The following DCTN4 variants were observed in gnomAD, a reference collection of about 807,000 sequenced individuals.
The protein encoded by DCTN4 is dynactin 4 (p62).
A neutral mutation model predicts 62.7 loss-of-function variants in DCTN4; 23 were observed. The observed-to-expected ratio is 0.37, with a 90% confidence interval of 0.26 to 0.52. The LOEUF is 0.52. DCTN4 is among the 20% of genes least tolerant of loss of function. The pLI, the probability that DCTN4 is intolerant of heterozygous loss-of-function variation, is 0.92. For synonymous variants in DCTN4, 199 were observed against 202.1 expected, an observed-to-expected ratio of 0.98 and a Z score of 0.13; for missense variants, 514 against 580.4, an observed-to-expected ratio of 0.89 and a Z score of 1.18.
chr5:150,718,442 A>G (rs1759848308), intron 10 of DCTN4, 59 bp from the exon 11 acceptor site: 5 of 1,226,994 alleles, frequency 4.1e-6, no homozygotes, highest in Admixed American at 2.0e-5. Context: ...GCTATACCGA[A>G]TATTTCGCAA....
At chr5:150,712,237 C>A (rs1285619470) in intron 12 of DCTN4, among the ~76,000 whole-genome samples, 1 of 151,982 alleles carries the variant, frequency 6.6e-6, no homozygotes, top group African/African-American at 2.4e-5. Context: ...TCCAGCGATT[C>A]TCCTGCCTCG....
chr5:150,758,062 T>G, intron 1 of DCTN4: 1 of 983,066 alleles, frequency 1.0e-6, no homozygotes, highest in Non-Finnish European at 1.2e-6. Flanking sequence ...ACTATCAGCT[T>G]TTTCTTCACT....
rs1312466703 is a variant in DCTN4 at position 150,747,016 on chromosome 5, A to G, written c.386-4859T>C. On this transcript the variant is annotated intron_variant, in intron 3 of 12. Transcript: ENST00000447998. The stretch of plus-strand genomic sequence containing the variant: ...GTCAAATTGTCCCTGTTTGCAGATG[A>G]CATGATTGTATATCTAGAAAACCCC... Among the ~76,000 whole-genome samples the G allele has an allele frequency of 7.9e-5, 12 of 152,268 alleles. No homozygotes were observed. The East Asian group carries it at 1.9e-3, about 24-fold the overall frequency.
rs770208668 is a variant in DCTN4, at chr5:150,719,701, G to T, written c.963+15C>A. ...ATCAATCCTTTTTCTTCCTGTTAAT[G>T]AGCAAGGTACTAACCTTCATGTAGC... On this transcript the variant is annotated intron_variant, in intron 10 of 12. Transcript: ENST00000447998. 1.3e-6 allele frequency: 2 copies of T among 1,588,344 alleles called. No homozygotes were observed. Among genetic ancestry groups the T allele is most frequent in the African/African-American group, 1.3e-5 (1 of 74,440 alleles).
At chr5:150,755,359 C>T (rs903379477) in intron 2 of DCTN4, among the ~76,000 whole-genome samples, 23 of 152,136 alleles carry the variant, frequency 1.5e-4, no homozygotes, top group African/African-American at 5.6e-4. Flanking sequence ...TGGGCTGTGA[C>T]AGTAATTTTC....
rs139454555 is a variant in DCTN4 at position 150,739,459 on chromosome 5, T to C, written c.429+2655A>G. The stretch of plus-strand genomic sequence containing the variant: ...CACAAACAAATGGAAACATATCCCA[T>C]GCTCATGGCTGGGTAGAATAAATAC... On this transcript the variant is annotated intron_variant, in intron 4 of 12. Transcript: ENST00000447998. Among the ~76,000 whole-genome samples, 624 of 152,316 alleles carry C rather than the reference T, an allele frequency of 4.1e-3. 2 individuals are homozygous for C. Among genetic ancestry groups the C allele is most frequent in the African/African-American group, 0.014 (599 of 41,574 alleles).
At chr5:150,720,570 C>T (rs1463420621) in intron 9 of DCTN4, among the ~76,000 whole-genome samples, 1 of 151,910 alleles carries the variant, frequency 6.6e-6, no homozygotes, top group African/African-American at 2.4e-5. Context: ...CCTCGACCCC[C>T]CAGGCTCAAG....
In DCTN4 at chr5:150,753,600, C is replaced by T. The variant is rs144113005; in HGVS notation, c.264G>A (p.Thr88=). ...GCMHTLSTRA[T]SISTQLPDDP... ...CATCTGGAAGCTGTGTGGAGATGCT[C>T]GTGGCCCGAGTAGAGAGGGTGTGCA... Residue 88 remains threonine, a synonymous_variant, in exon 3 of 13, where the codon ACG becomes ACA. Coordinates refer to ENST00000447998, the MANE Select transcript of DCTN4 (RefSeq NM_016221.4). The T allele has an allele frequency of 1.1e-4, 173 of 1,613,976 alleles. No individual in the cohort carries two copies. Among genetic ancestry groups the T allele is most frequent in the East Asian group, 7.1e-4 (32 of 44,884 alleles).
At chr5:150,744,618 A>C (rs1377809554) in intron 3 of DCTN4, among the ~76,000 whole-genome samples, 1 of 151,978 alleles carries the variant, frequency 6.6e-6, no homozygotes, top group Non-Finnish European at 1.5e-5. Flanking sequence ...AAGCCAGAAG[A>C]GAGTGGGGGC....
intron 8 of DCTN4, among the ~76,000 whole-genome samples, chr5:150,729,125 G>A (rs1258525750): frequency 7.0e-6 from 1 of 141,960 alleles, no homozygotes; most frequent in Non-Finnish European, 1.5e-5. Context: ...AAACTCCTGG[G>A]CTCAAGTGAT....
In DCTN4 at chr5:150,711,209, T is replaced by A; in HGVS notation, c.1323A>T (p.Gly441=). 1 of 1,612,688 alleles carries A rather than the reference T, an allele frequency of 6.2e-7. No homozygotes were observed. The highest frequency in any genetic ancestry group is 1.1e-5 in the South Asian group (1 of 91,014). ...GCTGGGTGAGCCAGATGACTTCTGT[T>A]CCCTGGTCACTTTCTTCAATGGGGC... ...PIRPIEESDQ[G]TEVIWLTQHV... Residue 441 remains glycine (G), a synonymous_variant, in exon 13 of 13, where the codon GGA becomes GGT. Coordinates refer to ENST00000447998, the MANE Select transcript of DCTN4 (RefSeq NM_016221.4).
intron 8 of DCTN4, among the ~76,000 whole-genome samples, chr5:150,727,422 AT>A (rs1282648716): frequency 6.6e-5 from 10 of 152,012 alleles, no homozygotes; most frequent in Non-Finnish European, 1.5e-4. Flanking sequence ...TTTTAAAATT[AT>A]TTTTTTCTAC....
At position 150,731,991 on chromosome 5, in the gene DCTN4, T is replaced by G. The variant is rs1025797857; in HGVS notation, c.538-502A>C. ...GAAGCAAACGCATATAGCAGGCAGG[T>G]TATATGGGAAAATTGGAAGAATAAT... is the stretch of plus-strand genomic sequence containing the variant. On this transcript the variant is annotated intron_variant, in intron 5 of 12. Transcript: ENST00000447998. 5.1e-6 allele frequency: 6 copies of G among 1,168,084 alleles called. No individual in the cohort carries two copies. In the East Asian group the frequency reaches 1.5e-4, roughly 30 times the overall value. The allele number at this position is 1,168,084 out of a possible 1,614,324, so 72.4% of individuals were successfully genotyped here. A position where few individuals can be genotyped will look rare whatever the true frequency, so the allele number is the denominator to read the frequency against.
intron 4 of DCTN4, among the ~76,000 whole-genome samples, chr5:150,736,829 G>C (rs1443683943): frequency 6.6e-6 from 1 of 152,134 alleles, no homozygotes; most frequent in Non-Finnish European, 1.5e-5. Context: ...TTACAGAATG[G>C]ATAACAATTT....
intron 6 of DCTN4, 77 bp downstream of exon 6, chr5:150,731,339 G>T: frequency 8.2e-7 from 1 of 1,222,496 alleles, no homozygotes; most frequent in Non-Finnish European, 1.2e-6. Context: ...GTGTGTGTGT[G>T]TGTTTTAATC....
chr5:150,738,492 T>C (rs1259941820), intron 4 of DCTN4, among the ~76,000 whole-genome samples: 1 of 152,110 alleles, frequency 6.6e-6, no homozygotes, highest in Admixed American at 6.5e-5. Context: ...ATACACCACA[T>C]AAACAGAATT....
At position 150,721,429 on chromosome 5, in the gene DCTN4, G is replaced by A. The variant is rs79512282; in HGVS notation, c.908+1478C>T. 4.1e-3 allele frequency among the ~76,000 whole-genome samples: 625 copies of A among 152,122 alleles called. 3 individuals are homozygous for A. The highest frequency in any genetic ancestry group is 7.0e-3 in the Non-Finnish European group (473 of 68,014). The stretch of plus-strand genomic sequence containing the variant: ...AATATATCCCTGAAACAGTACTGTT[G>A]GGTTAAAAGGTCTATGTAATTTGTT... On this transcript the variant is annotated intron_variant, in intron 9 of 12. Transcript: ENST00000447998.
intron 1 of DCTN4, chr5:150,758,159 C>G (rs538866113): frequency 1.0e-6 from 1 of 985,562 alleles, no homozygotes; most frequent in South Asian, 4.7e-5. Context: ...ATGTGCCAAG[C>G]GCTGCAGAAG....
At position 150,732,022 on chromosome 5, in the gene DCTN4, T is replaced by G. The variant is rs528409156; in HGVS notation, c.538-533A>C. The G allele has an allele frequency of 1.6e-5, 14 of 880,864 alleles. No individual in the cohort carries two copies. In the African/African-American group the frequency reaches 2.2e-4, roughly 14 times the overall value. The allele number at this position is 880,864 out of a possible 1,614,324, so 54.6% of individuals were successfully genotyped here. On this transcript the variant is annotated intron_variant, in intron 5 of 12. Coordinates refer to ENST00000447998, the MANE Select transcript of DCTN4 (RefSeq NM_016221.4). ...GGGAAAATTGGAAGAATAATTCATT[T>G]AATTCAAATTCTACCTCTAAATATA...
Sources: gnomAD v4.1 joint callset for allele counts (sites outside exome capture counted in the v4.1 genomes callset) on GRCh38, gnomAD v4.1.1 for gene constraint, MANE v1.5 for transcripts, NCBI Gene and HGNC (gene_info 2026-07-23, HGNC 2026-07-21) for gene names.